SLC19A1: variants seen among roughly 807,000 people sequenced by gnomAD.
SLC19A1 encodes reduced folate transporter.
SLC19A1 carries 37 observed loss-of-function variants against 35.3 expected under a neutral mutation model. That is an observed-to-expected ratio of 1.05 (90% CI 0.81 to 1.38). The LOEUF (loss-of-function observed/expected upper bound fraction) is 1.38, where lower values mean the gene tolerates loss of function less well. Among genes scored for constraint, SLC19A1 ranks in the 40% most tolerant of loss-of-function variants. SLC19A1 has a pLI of 0.00. For missense variants in SLC19A1, 831 were observed against 826.9 expected (o/e 1.00, Z -0.06); for synonymous variants, 460 against 398.5 (o/e 1.15, Z -1.84).
At chr21:45,516,655 G>A (rs999833536) in intron 5 of SLC19A1, among the ~76,000 whole-genome samples, 1 of 152,236 alleles carries the variant, frequency 6.6e-6, no homozygotes, top group African/African-American at 2.4e-5. Flanking sequence ...TGACCAGAAG[G>A]AGCAGCACCA....
In SLC19A1 at chr21:45,531,912, A is replaced by T. The variant is rs767540498; in HGVS notation, c.426T>A (p.Ser142=). ...ARIAYSSYIF[S]LVRPARYQRV... ...GCTGGTAGCGCGCGGGCCGCACGAG[A>T]GAGAAGATGTAGGAGGAATAGGCGA... The change falls in exon 3 of 6, where the codon TCT becomes TCA. Residue 142 remains serine (S), a synonymous_variant. Coordinates refer to ENST00000311124, the MANE Select transcript of SLC19A1 (RefSeq NM_194255.4). The T allele has an allele frequency of 6.8e-5, 109 of 1,595,294 alleles. No homozygotes were observed. The highest frequency in any genetic ancestry group is 9.0e-5 in the Non-Finnish European group (106 of 1,171,748).
intron 1 of SLC19A1, among the ~76,000 whole-genome samples, chr21:45,558,873 A>C (rs1159248490): frequency 6.6e-6 from 1 of 150,890 alleles, no homozygotes; most frequent in Non-Finnish European, 1.5e-5. Flanking sequence ...CAATGCTGCA[A>C]TCTCAGCTGA....
downstream of SLC19A1, chr21:45,510,207 G>A (rs1245522092): frequency 6.2e-7 from 1 of 1,604,306 alleles, no homozygotes; most frequent in East Asian, 2.3e-5. Flanking sequence ...TGCAGGACCT[G>A]TACAGCATCG....
downstream of SLC19A1, chr21:45,509,489 T>C: frequency 6.6e-7 from 1 of 1,524,380 alleles, no homozygotes; most frequent in Non-Finnish European, 8.8e-7. Flanking sequence ...CCCCCTCGCC[T>C]GCCCGAGCCC....
At chr21:45,535,270 G>A (rs573685589) in intron 2 of SLC19A1, among the ~76,000 whole-genome samples, 41 of 152,358 alleles carry the variant, frequency 2.7e-4, no homozygotes, top group Non-Finnish European at 4.4e-4. Context: ...AGCACCTCAC[G>A]GACTCGGCCG....
At chr21:45,507,479 G>A in intron 3 of SLC19A1, 1 of 435,636 alleles carries the variant, frequency 2.3e-6, no homozygotes, top group Non-Finnish European at 3.1e-6. Flanking sequence ...TGCTGGGGCG[G>A]GAGAGTCGGG....
intron 1 of SLC19A1, among the ~76,000 whole-genome samples, chr21:45,555,160 C>CGGTGCA (rs1569031758): frequency 2.4e-5 from 1 of 41,814 alleles, no homozygotes; most frequent in African/African-American, 1.3e-4. Flanking sequence ...CAGGGGGCGG[C>CGGTGCA]GGGGGCGGCG....
rs978321301 is a variant in SLC19A1, at chr21:45,534,002, G to A, written c.190-1854C>T. ...ACCCTGAGGTCGCACCCTGGAGCCTGCACCCTCATGGAGGCCAGGCTGACC... is the reference window on the plus strand; with the variant it reads ...ACCCTGAGGTCGCACCCTGGAGCCTACACCCTCATGGAGGCCAGGCTGACC... On this transcript the variant is annotated intron_variant, in intron 2 of 5. Coordinates refer to ENST00000311124, the MANE Select transcript of SLC19A1 (RefSeq NM_194255.4). This position sits in a 1 kb window ranked among gnomAD's most constrained non-coding sequence, Gnocchi z 4.2. 4.6e-5 allele frequency among the ~76,000 whole-genome samples: 7 copies of A among 152,150 alleles called. No individual in the cohort carries two copies. The South Asian group carries it at 1.5e-3, about 32-fold the overall frequency.
chr21:45,543,238 A>C (rs1423520309), upstream of SLC19A1, among the ~76,000 whole-genome samples: 3 of 152,224 alleles, frequency 2.0e-5, no homozygotes, highest in African/African-American at 2.4e-5. Context: ...AGCACCGCCG[A>C]AAGCCCAAGG....
intron 3 of SLC19A1, chr21:45,504,376 G>A (rs1219478154): frequency 1.3e-6 from 2 of 1,597,202 alleles, no homozygotes. Context: ...TGGCTTGTAG[G>A]GGTTCAGGGC....
rs1486330835 is a variant in SLC19A1 at position 45,531,508 on chromosome 21, T to C, written c.830A>G (p.Asn277Ser). 1.1e-5 allele frequency: 17 copies of C among 1,612,370 alleles called. No homozygotes were observed. Among genetic ancestry groups the C allele is most frequent in the Non-Finnish European group, 1.4e-5 (17 of 1,179,696 alleles). Residue 277 changes from asparagine to serine, a missense_variant, in exon 3 of 6, where the codon AAC (asparagine) becomes AGC (serine). Transcript: ENST00000311124. ...GACCACCAGGTAGTAGCCGGCCGAGTTGAAGACCCACCAGAGGGACCACAG... is the reference window on the plus strand; with the variant it reads ...GACCACCAGGTAGTAGCCGGCCGAGCTGAAGACCCACCAGAGGGACCACAG... ...LRLWSLWWVF[N>S]SAGYYLVVYY...
downstream of SLC19A1, among the ~76,000 whole-genome samples, chr21:45,508,982 G>A (rs1329657777): frequency 6.6e-6 from 1 of 152,126 alleles, no homozygotes; most frequent in South Asian, 2.1e-4. Context: ...GGTCACCTCT[G>A]AGGGAGACAG....
At chr21:45,526,109 C>G in intron 4 of SLC19A1, 151 bp from the exon 5 acceptor site, 1 of 780,170 alleles carries the variant, frequency 1.3e-6, no homozygotes, top group East Asian at 2.7e-5. Flanking sequence ...AGGCCCCCAT[C>G]TCTCCCACAC....
downstream of SLC19A1, chr21:45,511,237 A>C (rs2037591069): frequency 6.8e-7 from 1 of 1,464,330 alleles, no homozygotes; most frequent in African/African-American, 1.4e-5. Context: ...GTAGGTTCCC[A>C]GTGCCGTGTG....
At chr21:45,555,515 A>C (rs1254002782) in intron 1 of SLC19A1, among the ~76,000 whole-genome samples, 1 of 60,476 alleles carries the variant, frequency 1.7e-5, no homozygotes, top group East Asian at 6.0e-4. Flanking sequence ...CGCGGGTTGC[A>C]GGGAACGGAG....
At chr21:45,546,454 TGGGGCCCCGGAC>T (rs2078416748), upstream of SLC19A1, among the ~76,000 whole-genome samples, 1 of 152,188 alleles carries the variant, frequency 6.6e-6, no homozygotes, top group Non-Finnish European at 1.5e-5. Flanking sequence ...TGAGCCCCAC[TGGGGCCCCGGAC>T]AGCGGCCCTA....
chr21:45,529,620 C>CGTGTGTGTCCATGTGTGAACGTGT (rs10644910), intron 4 of SLC19A1, among the ~76,000 whole-genome samples: 5 of 151,514 alleles, frequency 3.3e-5, no homozygotes, highest in African/African-American at 1.2e-4. Context: ...CATGTGTGAA[C>CGTGTGTGTCCATGTGTGAACGTGT]GTGTCCATGT....
chr21:45,518,826 T>A (rs897111639), intron 5 of SLC19A1, among the ~76,000 whole-genome samples: 3 of 151,850 alleles, frequency 2.0e-5, no homozygotes, highest in Non-Finnish European at 4.4e-5. Context: ...AGAGAAGAAA[T>A]TTGTAACCAG....
chr21:45,529,297 GAC>G (rs2077762916), intron 4 of SLC19A1, among the ~76,000 whole-genome samples: 2 of 152,218 alleles, frequency 1.3e-5, no homozygotes, highest in Non-Finnish European at 2.9e-5. Flanking sequence ...TGAGGCCACT[GAC>G]ACAGAGGGCC....
Sources: allele counts gnomAD v4.1 joint callset (sites outside exome capture counted in the v4.1 genomes callset), GRCh38; gene constraint gnomAD v4.1.1; non-coding constraint Gnocchi (gnomAD v3.1); transcripts MANE v1.5; gene names NCBI Gene and HGNC (gene_info 2026-07-23, HGNC 2026-07-21).